The following NIT2 variants were observed in gnomAD, a reference collection of about 807,000 sequenced individuals.
NIT2 encodes omega-amidase NIT2.
In NIT2, 46 loss-of-function variants were observed where a neutral mutation model predicts 42.7. The ratio of observed to expected loss-of-function variants is 1.08; its 90% CI spans 0.85 to 1.38. NIT2 has a LOEUF of 1.38. Ranked by LOEUF, NIT2 falls within the 40% of genes most tolerant of loss-of-function variation. NIT2 has a pLI of 0.00. For missense variants in NIT2, 309 were observed against 342.5 expected (o/e 0.90, Z 0.77); for synonymous variants, 123 against 121.9 (o/e 1.01, Z -0.06).
intron 4 of NIT2, among the ~76,000 whole-genome samples, chr3:100,343,096 T>G (rs58869093): frequency 0.017 from 2,580 of 152,006 alleles, 75 homozygotes; most frequent in African/African-American, 0.06. Context: ...TAATTTGTAT[T>G]GTTCCCTCGG....
chr3:100,355,261 A>G lies in NIT2; in HGVS notation c.824A>G (p.Lys275Arg), dbSNP rs759620890. 2.5e-6 allele frequency: 4 copies of G among 1,612,212 alleles called. No homozygotes were observed. Among genetic ancestry groups the G allele is most frequent in the Non-Finnish European group, 3.4e-6 (4 of 1,178,376 alleles). The change falls in exon 10 of 10, where the codon AAG (lysine) becomes AGG (arginine). Residue 275 changes from lysine (K) to arginine (R), a missense_variant. Coordinates refer to ENST00000394140, the MANE Select transcript of NIT2 (RefSeq NM_020202.5). The stretch of plus-strand genomic sequence containing the variant: ...GACCTCTATGCTGTGGAGATGAAAA[A>G]GCCCTAAAGTTTATGTTTCTAATGT... ...RSDLYAVEMK[K>R]P
At chr3:100,343,667 T>C (rs1209865973) in intron 4 of NIT2, among the ~76,000 whole-genome samples, 2 of 152,236 alleles carry the variant, frequency 1.3e-5, no homozygotes, top group African/African-American at 4.8e-5. Flanking sequence ...AGTCTGATAA[T>C]TATCACATCT....
rs138291135 is a variant in NIT2, at chr3:100,343,606, C to T, written c.337-1979C>T. On this transcript the variant is annotated intron_variant, in intron 4 of 9. Transcript: ENST00000394140. ...ATATTTTCTATTTGTTCATTAAAAG[C>T]ATATTTTTCTTTACAGTGTTGAGCT... 1.8e-3 allele frequency among the ~76,000 whole-genome samples: 270 copies of T among 152,236 alleles called. 1 individual carries two copies. The highest frequency in any genetic ancestry group is 6.0e-3 in the African/African-American group (251 of 41,534).
chr3:100,360,441 T>TA lies in NIT2; in HGVS notation c.*5178dup, dbSNP rs1706368643. On this transcript the variant is annotated 3_prime_UTR_variant, in exon 10 of 10. Transcript: ENST00000394140. ...CAACATGGCAAAACCCCATCTCTAC[T>TA]AAAAATACAAAAATTAGCCGGGTGT... 1 of 152,182 alleles carries TA rather than the reference T, an allele frequency of 6.6e-6. No homozygotes were observed. Among genetic ancestry groups the TA allele is most frequent in the African/African-American group, 2.4e-5 (1 of 41,388 alleles). The allele number at this position is 152,182 out of a possible 1,614,324, so 9.4% of individuals were successfully genotyped here. A position where few individuals can be genotyped will look rare whatever the true frequency, so the allele number is the denominator to read the frequency against.
chr3:100,335,880 A>C (rs992297410), intron 1 of NIT2, among the ~76,000 whole-genome samples: 1 of 152,182 alleles, frequency 6.6e-6, no homozygotes, highest in Non-Finnish European at 1.5e-5. Flanking sequence ...GTGTGGTGGC[A>C]CGCCCCTTTA....
intron 1 of NIT2, among the ~76,000 whole-genome samples, chr3:100,336,722 CTA>C (rs1706077840): frequency 6.6e-6 from 1 of 152,070 alleles, no homozygotes; most frequent in Non-Finnish European, 1.5e-5. Flanking sequence ...GCGGTTTTCC[CTA>C]TCTTAGTAGA....
intron 1 of NIT2, among the ~76,000 whole-genome samples, chr3:100,337,538 C>T (rs1019180877): frequency 6.6e-6 from 1 of 152,178 alleles, no homozygotes. Context: ...ACTGTAACCT[C>T]CAACTCCCAG....
At chr3:100,345,974 TCTC>T in intron 5 of NIT2, 1 of 602,128 alleles carries the variant, frequency 1.7e-6, no homozygotes, top group Non-Finnish European at 3.0e-6. Context: ...AGAATGAATT[TCTC>T]ATCTTTACTC....
chr3:100,338,667 A>G (rs574816978), intron 1 of NIT2, among the ~76,000 whole-genome samples: 2 of 152,200 alleles, frequency 1.3e-5, no homozygotes, highest in Non-Finnish European at 2.9e-5. Flanking sequence ...AACAAACAGT[A>G]AGGGACAGGA....
intron 8 of NIT2, among the ~76,000 whole-genome samples, chr3:100,352,899 T>C (rs983906564): frequency 2.0e-5 from 3 of 152,192 alleles, no homozygotes; most frequent in Non-Finnish European, 2.9e-5. Flanking sequence ...AGGACTTTGC[T>C]TCCAGCATAA....
intron 4 of NIT2, among the ~76,000 whole-genome samples, chr3:100,341,970 G>T (rs1177689027): frequency 6.6e-6 from 1 of 152,028 alleles, no homozygotes. Flanking sequence ...TTGAACCCAG[G>T]AGGTGGACGC....
In NIT2 at chr3:100,351,945, G is replaced by A. The variant is rs559344390; in HGVS notation, c.585-459G>A. Among the ~76,000 whole-genome samples the A allele has an allele frequency of 1.2e-3, 186 of 152,066 alleles. 1 individual carries two copies. The highest frequency in any genetic ancestry group is 2.1e-3 in the Non-Finnish European group (142 of 67,990). On this transcript the variant is annotated intron_variant, in intron 7 of 9. Coordinates refer to ENST00000394140, the MANE Select transcript of NIT2 (RefSeq NM_020202.5). The stretch of plus-strand genomic sequence containing the variant: ...CAAACAACCCCATCAAAAAGTGGGC[G>A]AAGGACATGAACAGACACTTCTCAA...
rs868498812 is a variant in NIT2, at chr3:100,345,988, C to T, written c.431-193C>T. ...TAGAATGAATTTCTCATCTTTACTC[C>T]GCTGATGTAAATGATGTCTTTATGA... On this transcript the variant is annotated intron_variant, in intron 5 of 9. Coordinates refer to ENST00000394140, the MANE Select transcript of NIT2 (RefSeq NM_020202.5). 7.1e-5 allele frequency: 43 copies of T among 603,828 alleles called. 1 individual carries two copies. The Middle Eastern group carries it at 6.1e-3, about 86-fold the overall frequency. 37.4% of individuals were successfully genotyped at this position (603,828 alleles called of 1,614,324 possible). A position where few individuals can be genotyped will look rare whatever the true frequency, so the allele number is the denominator to read the frequency against.
At position 100,341,180 on chromosome 3, in the gene NIT2, A is replaced by T. The variant is rs373550837; in HGVS notation, c.336+19A>T. On this transcript the variant is annotated intron_variant, in intron 4 of 9. Coordinates refer to ENST00000394140, the MANE Select transcript of NIT2 (RefSeq NM_020202.5). ...TAGAAAGGTAAGTAGGAAGTGTGGCATAAGAATTTGTTATCTCTAAGCCAG... is the reference window on the plus strand; with the variant it reads ...TAGAAAGGTAAGTAGGAAGTGTGGCTTAAGAATTTGTTATCTCTAAGCCAG... 8 of 1,576,358 alleles carry T rather than the reference A, an allele frequency of 5.1e-6. No homozygotes were observed. In the African/African-American group the frequency reaches 1.1e-4, roughly 21 times the overall value.
intron 1 of NIT2, among the ~76,000 whole-genome samples, chr3:100,338,476 T>C (rs1018826646): frequency 1.3e-5 from 2 of 152,214 alleles, no homozygotes; most frequent in South Asian, 2.1e-4. Flanking sequence ...AGGTTTTCCC[T>C]CTGCCAGCAG....
In NIT2 at chr3:100,334,780, G is replaced by C. The variant is rs546664863; in HGVS notation, c.-12G>C. ...TCAGTCCGCGCCGCAGGTGGTGCTT[G>C]TCTGCAGAGTCATGACCTGTAAGTG... On this transcript the variant is annotated 5_prime_UTR_variant, in exon 1 of 10. Coordinates refer to ENST00000394140, the MANE Select transcript of NIT2 (RefSeq NM_020202.5). 4.6e-6 allele frequency: 6 copies of C among 1,304,152 alleles called. No individual in the cohort carries two copies. In the African/African-American group the frequency reaches 6.0e-5, roughly 13 times the overall value. 80.8% of individuals were successfully genotyped at this position (1,304,152 alleles called of 1,614,324 possible). A position where few individuals can be genotyped will look rare whatever the true frequency, so the allele number is the denominator to read the frequency against.
chr3:100,335,096 C>G (rs1421277605), intron 1 of NIT2: 1 of 450,004 alleles, frequency 2.2e-6, no homozygotes, highest in Non-Finnish European at 4.2e-6. Flanking sequence ...TATTTCTCCA[C>G]GGTGTGGGCC....
At chr3:100,344,533 C>T (rs554851060) in intron 4 of NIT2, among the ~76,000 whole-genome samples, 10 of 152,248 alleles carry the variant, frequency 6.6e-5, no homozygotes, top group South Asian at 6.2e-4. Flanking sequence ...ACATTTATTA[C>T]GCTTTCTTTA....
intron 4 of NIT2, among the ~76,000 whole-genome samples, chr3:100,345,068 C>T (rs1706199898): frequency 6.6e-6 from 1 of 151,908 alleles, no homozygotes; most frequent in African/African-American, 2.4e-5. Flanking sequence ...AATTCTCCTG[C>T]CTCAGCCTCC....
Sources: gnomAD v4.1 joint callset for allele counts (sites outside exome capture counted in the v4.1 genomes callset) on GRCh38, gnomAD v4.1.1 for gene constraint, MANE v1.5 for transcripts, NCBI Gene and HGNC (gene_info 2026-07-23, HGNC 2026-07-21) for gene names.